The following MAPKAP1 variants were observed in gnomAD, a reference collection of about 807,000 sequenced individuals.
MAPKAP1 encodes target of rapamycin complex 2 subunit MAPKAP1.
A neutral mutation model predicts 65.7 loss-of-function variants in MAPKAP1; 20 were observed. The ratio of observed to expected loss-of-function variants is 0.30; its 90% CI spans 0.21 to 0.44. The LOEUF is 0.44. Ranked by LOEUF, MAPKAP1 falls within the 20% of genes least tolerant of loss-of-function variation. The pLI is 1.00. For synonymous variants in MAPKAP1, 222 were observed against 244.3 expected, an observed-to-expected ratio of 0.91 and a Z score of 0.85; for missense variants, 423 against 648.0, an observed-to-expected ratio of 0.65 and a Z score of 3.77.
intron 1 of MAPKAP1, among the ~76,000 whole-genome samples, chr9:125,686,337 G>A (rs1220386789): frequency 1.1e-4 from 16 of 147,748 alleles, no homozygotes; most frequent in African/African-American, 9.9e-5. Context: ...AAAAGAAAAA[G>A]AAAAAGAAAA....
chr9:125,520,229 A>G (rs1000362124), intron 7 of MAPKAP1, among the ~76,000 whole-genome samples: 2 of 152,200 alleles, frequency 1.3e-5, no homozygotes, highest in African/African-American at 4.8e-5. Flanking sequence ...AAAACGTGTA[A>G]GTAGAAAGGA....
intron 4 of MAPKAP1, among the ~76,000 whole-genome samples, chr9:125,599,388 ACTCATTAGTCTTAGTGCTAACC>A (rs936775819): frequency 2.0e-5 from 3 of 152,094 alleles, no homozygotes; most frequent in Non-Finnish European, 4.4e-5. Context: ...TGCAAGTTTT[ACTCATTAGTCTTAGTGCTAACC>A]CTCATGAAAT....
At chr9:125,480,067 C>T (rs961879418) in intron 9 of MAPKAP1, among the ~76,000 whole-genome samples, 2 of 152,128 alleles carry the variant, frequency 1.3e-5, no homozygotes, top group East Asian at 1.9e-4. Context: ...GGCAGTAGAA[C>T]GTCTCAGGAA....
chr9:125,687,853 T>C (rs1006674802), intron 1 of MAPKAP1, among the ~76,000 whole-genome samples: 1 of 152,220 alleles, frequency 6.6e-6, no homozygotes, highest in Non-Finnish European at 1.5e-5. Context: ...GTAATATTAC[T>C]GACTTTTCCT....
intron 4 of MAPKAP1, among the ~76,000 whole-genome samples, chr9:125,613,532 G>A (rs994741925): frequency 1.3e-5 from 2 of 152,174 alleles, no homozygotes; most frequent in African/African-American, 4.8e-5. Flanking sequence ...CATGGTGTCA[G>A]GTGAGGCCTT....
chr9:125,510,730 C>T (rs976760353), intron 7 of MAPKAP1, among the ~76,000 whole-genome samples: 5 of 152,164 alleles, frequency 3.3e-5, no homozygotes, highest in African/African-American at 9.7e-5. Flanking sequence ...ATATGAAACT[C>T]GATATCTAAA....
chr9:125,673,769 T>A lies in MAPKAP1; in HGVS notation c.-69-1126A>T, dbSNP rs148545046. 1.0e-3 allele frequency among the ~76,000 whole-genome samples: 152 copies of A among 151,196 alleles called. 1 individual carries two copies. The highest frequency in any genetic ancestry group is 3.5e-3 in the African/African-American group (145 of 41,320). On this transcript the variant is annotated intron_variant, in intron 1 of 11. Transcript: ENST00000265960. ...AACTCTATCTCTACAAAAATATATA[T>A]ATATAATAATTATTATTTTTTAATT...
rs189487084 is a variant in MAPKAP1, at chr9:125,447,428, G to A, written c.1346-2830C>T. On this transcript the variant is annotated intron_variant, in intron 10 of 11. Coordinates refer to ENST00000265960, the MANE Select transcript of MAPKAP1 (RefSeq NM_001006617.3). The surrounding 1 kb of genome is among the most constrained non-coding windows in gnomAD (Gnocchi z 4.5). ...AAAGTTAATCACTGGGCCGAGGCACGGTGGACAGCCACAGCAGACAGCCCC... is the reference window on the plus strand; with the variant it reads ...AAAGTTAATCACTGGGCCGAGGCACAGTGGACAGCCACAGCAGACAGCCCC... 6.6e-5 allele frequency: 30 copies of A among 456,694 alleles called. 1 individual carries two copies. The East Asian group carries it at 1.1e-3, about 17-fold the overall frequency. 28.3% of individuals were successfully genotyped at this position (456,694 alleles called of 1,614,324 possible). A position where few individuals can be genotyped will look rare whatever the true frequency, so the allele number is the denominator to read the frequency against.
chr9:125,500,255 T>C (rs1017472895), intron 8 of MAPKAP1, among the ~76,000 whole-genome samples: 2 of 152,140 alleles, frequency 1.3e-5, no homozygotes, highest in Non-Finnish European at 1.5e-5. Context: ...TGGCGTGATC[T>C]TGGCTCACTG....
intron 10 of MAPKAP1, among the ~76,000 whole-genome samples, chr9:125,467,104 A>G (rs1274578572): frequency 6.6e-6 from 1 of 152,214 alleles, no homozygotes; most frequent in Non-Finnish European, 1.5e-5. Flanking sequence ...ACAATCTACT[A>G]GGGTGGGCCC....
intron 5 of MAPKAP1, among the ~76,000 whole-genome samples, chr9:125,573,668 C>T (rs1413653002): frequency 3.3e-5 from 5 of 152,210 alleles, no homozygotes; most frequent in Admixed American, 3.3e-4. Context: ...AACAATCCCA[C>T]TCTGTTCTCC....
intron 10 of MAPKAP1, among the ~76,000 whole-genome samples, chr9:125,457,719 T>C (rs1853242865): frequency 6.6e-6 from 1 of 152,244 alleles, no homozygotes; most frequent in Non-Finnish European, 1.5e-5. Flanking sequence ...ATGGCTAATT[T>C]AGTCCTATTT....
intron 4 of MAPKAP1, among the ~76,000 whole-genome samples, chr9:125,588,528 A>G (rs1477439898): frequency 1.3e-5 from 2 of 152,212 alleles, no homozygotes; most frequent in Non-Finnish European, 2.9e-5. Flanking sequence ...AATGGTTAAA[A>G]TGGTAAATTT....
At chr9:125,565,689 C>CA (rs1329985342) in intron 5 of MAPKAP1, 2 of 370,784 alleles carry the variant, frequency 5.4e-6, no homozygotes, top group South Asian at 1.9e-5. Flanking sequence ...AAGTGAGGTC[C>CA]AAAAAAACCT....
In MAPKAP1 at chr9:125,542,590, G is replaced by A. The variant is rs771532479; in HGVS notation, c.958+469C>T. Among the ~76,000 whole-genome samples, 132 of 151,512 alleles carry A rather than the reference G, an allele frequency of 8.7e-4. 1 individual carries two copies. Among genetic ancestry groups the A allele is most frequent in the Admixed American group, 1.4e-3 (22 of 15,232 alleles). ...CATCAAGTGATTTGTCTTTTTATTCGTCTTTTTTTTTTAAAGGTTGCCCTC... is the reference window on the plus strand; with the variant it reads ...CATCAAGTGATTTGTCTTTTTATTCATCTTTTTTTTTTAAAGGTTGCCCTC... On this transcript the variant is annotated intron_variant, in intron 7 of 11. Transcript: ENST00000265960.
rs1193714721 is a variant in MAPKAP1, at chr9:125,585,732, G to A, written c.499-5C>T. On this transcript the variant is annotated splice_polypyrimidine_tract_variant and splice_region_variant and intron_variant, in intron 4 of 11. Coordinates refer to ENST00000265960, the MANE Select transcript of MAPKAP1 (RefSeq NM_001006617.3). The stretch of plus-strand genomic sequence containing the variant: ...TGCTGTTGTACCTACATGACCCTGT[G>A]GACAGAACAAACACGTGAGAGCAAA... 1 of 1,613,426 alleles carries A rather than the reference G, an allele frequency of 6.2e-7. No homozygotes were observed. The highest frequency in any genetic ancestry group is 8.5e-7 in the Non-Finnish European group (1 of 1,179,612).
At chr9:125,571,057 G>C (rs1318539558) in intron 5 of MAPKAP1, among the ~76,000 whole-genome samples, 1 of 152,072 alleles carries the variant, frequency 6.6e-6, no homozygotes, top group African/African-American at 2.4e-5. Flanking sequence ...TAATATGAAG[G>C]TGAAATCTGG....
At chr9:125,557,896 G>A (rs774447236) in intron 6 of MAPKAP1, among the ~76,000 whole-genome samples, 5 of 152,186 alleles carry the variant, frequency 3.3e-5, no homozygotes, top group South Asian at 4.2e-4. Flanking sequence ...TCACTTTGTC[G>A]CCCAGGCTGG....
chr9:125,664,873 A>C (rs557320016), intron 3 of MAPKAP1, among the ~76,000 whole-genome samples: 1 of 152,154 alleles, frequency 6.6e-6, no homozygotes, highest in Non-Finnish European at 1.5e-5. Context: ...CTTTGGGGTC[A>C]AACTGTCCAG....
Sources: allele counts gnomAD v4.1 joint callset (sites outside exome capture counted in the v4.1 genomes callset), GRCh38; gene constraint gnomAD v4.1.1; non-coding constraint Gnocchi (gnomAD v3.1); transcripts MANE v1.5; gene names NCBI Gene and HGNC (gene_info 2026-07-23, HGNC 2026-07-21).